Variants in KLF8 observed in about 807,000 individuals in gnomAD.
The protein encoded by KLF8 is Krueppel-like factor 8.
A neutral mutation model predicts 18.2 loss-of-function variants in KLF8; 10 were observed. The ratio of observed to expected loss-of-function variants is 0.55; its 90% confidence interval spans 0.34 to 0.93. The LOEUF (loss-of-function observed/expected upper bound fraction) is 0.93. KLF8 is among the 40% of genes least tolerant of loss of function. The probability of loss-of-function intolerance (pLI) is 0.02; values close to 1 mark genes in which losing one functional copy is unlikely to be tolerated. For synonymous variants in KLF8, 109 were observed against 97.3 expected (o/e 1.12, Z -0.71); for missense variants, 264 against 277.9 (o/e 0.95, Z 0.36).
the KLF8 span, among the ~76,000 whole-genome samples, chrX:56,145,754 G>A: frequency 3.3e-4 from 37 of 111,276 alleles, no homozygotes; most frequent in Admixed American, 3.2e-3. Context: ...AATAAAAAAA[G>A]AACATTGTGC....
chrX:56,268,879 A>G (rs752086066), intron 3 of KLF8: 605 of 926,653 alleles, frequency 6.5e-4, no homozygotes, highest in Non-Finnish European at 7.9e-4. Context: ...GGTGGTAGGT[A>G]TACGTTTCAT....
chrX:56,161,933 T>C, the KLF8 span, among the ~76,000 whole-genome samples: 2 of 111,755 alleles, frequency 1.8e-5, no homozygotes, highest in East Asian at 5.6e-4. Flanking sequence ...GATGGTGACA[T>C]ACAGATGGGG....
In KLF8 at chrX:56,253,764, C is replaced by CTTTTCTTT. The variant is rs1555930255; in HGVS notation, c.81+3464_81+3465insCTTTTTTT. ...GTACATAATGTCTTTTTTTCTTTTT[C>CTTTTCTTT]TTTTTTTTTTTTTTGAGATGTTGTC... On this transcript the variant is annotated intron_variant, in intron 2 of 5. Coordinates refer to ENST00000468660, the MANE Select transcript of KLF8 (RefSeq NM_007250.5). Among the ~76,000 whole-genome samples, 15 of 60,114 alleles carry CTTTTCTTT rather than the reference C, an allele frequency of 2.5e-4. 2 individuals are homozygous for CTTTTCTTT. Among genetic ancestry groups the CTTTTCTTT allele is most frequent in the East Asian group, 1.6e-3 (3 of 1,835 alleles). The allele number at this position is 60,114 out of a possible 115,157, so 52.2% of individuals were successfully genotyped here. A position where few individuals can be genotyped will look rare whatever the true frequency, so the allele number is the denominator to read the frequency against.
chrX:56,227,485 C>T (rs1021189168), upstream of KLF8, among the ~76,000 whole-genome samples: 1 of 110,318 alleles, frequency 9.1e-6, no homozygotes, highest in Admixed American at 9.6e-5. Context: ...GCTGGGACTA[C>T]AGGTGTGCAC....
the KLF8 span, among the ~76,000 whole-genome samples, chrX:55,926,235 A>G: frequency 9.0e-6 from 1 of 111,484 alleles, no homozygotes; most frequent in African/African-American, 3.3e-5. Context: ...GATGCCCCCT[A>G]TTCAAATCCT....
upstream of KLF8, among the ~76,000 whole-genome samples, chrX:56,228,785 C>T (rs2066384272): frequency 8.9e-6 from 1 of 112,052 alleles, no homozygotes; most frequent in Admixed American, 9.5e-5. Context: ...AATATGCTCT[C>T]TGGGGAACTG....
the KLF8 span, among the ~76,000 whole-genome samples, chrX:56,157,611 G>A: frequency 9.0e-6 from 1 of 111,190 alleles, no homozygotes; most frequent in African/African-American, 3.3e-5. Flanking sequence ...ATCTCATTGT[G>A]GTTTTGATTT....
intron 5 of KLF8, 26 bp downstream of exon 5, chrX:56,270,347 A>ACACACACAC: frequency 1.5e-6 from 1 of 661,754 alleles, no homozygotes. Flanking sequence ...TCTCACCCCC[A>ACACACACAC]ACACACACAC....
At chrX:56,259,831 T>TAG (rs2066860248) in intron 2 of KLF8, among the ~76,000 whole-genome samples, 1 of 111,552 alleles carries the variant, frequency 9.0e-6, no homozygotes, top group Non-Finnish European at 1.9e-5. Flanking sequence ...ATTAGTTTTG[T>TAG]CCTAAGCTAT....
the KLF8 span, among the ~76,000 whole-genome samples, chrX:56,052,803 G>T: frequency 1.8e-5 from 2 of 111,887 alleles, no homozygotes; most frequent in Non-Finnish European, 3.8e-5. Flanking sequence ...CACCCAGTTG[G>T]AGCTTCCTGG....
the KLF8 span, among the ~76,000 whole-genome samples, chrX:56,161,809 G>A: frequency 8.9e-6 from 1 of 111,970 alleles, no homozygotes; most frequent in Non-Finnish European, 1.9e-5. Flanking sequence ...TCAGTTGCTG[G>A]TGACGAGCTG....
chrX:56,141,798 TC>T, the KLF8 span, among the ~76,000 whole-genome samples: 1 of 111,837 alleles, frequency 8.9e-6, no homozygotes, highest in Admixed American at 9.5e-5. Context: ...GGTGATGCCT[TC>T]ACTACCACCT....
the KLF8 span, among the ~76,000 whole-genome samples, chrX:56,078,406 G>A: frequency 8.9e-6 from 1 of 111,975 alleles, no homozygotes; most frequent in African/African-American, 3.2e-5. Context: ...TAATCATGTG[G>A]TTTTTGTCTC....
At chrX:56,203,938 T>A in the KLF8 span, among the ~76,000 whole-genome samples, 1 of 111,574 alleles carries the variant, frequency 9.0e-6, no homozygotes, top group Non-Finnish European at 1.9e-5. Context: ...CATTTTGGAA[T>A]AGTTTTTTCT....
At chrX:56,049,551 T>G in the KLF8 span, among the ~76,000 whole-genome samples, 68 of 106,959 alleles carry the variant, frequency 6.4e-4, no homozygotes, top group Middle Eastern at 4.7e-3. Context: ...TTGGCTCTGT[T>G]TATATGCTGG....
At chrX:56,135,557 G>C in the KLF8 span, among the ~76,000 whole-genome samples, 9 of 110,568 alleles carry the variant, frequency 8.1e-5, no homozygotes, top group South Asian at 3.9e-4. Flanking sequence ...GTTGTGGGGT[G>C]GGGGACGGGA....
At chrX:55,962,863 G>T in the KLF8 span, among the ~76,000 whole-genome samples, 1 of 112,561 alleles carries the variant, frequency 8.9e-6, no homozygotes, top group Non-Finnish European at 1.9e-5. Context: ...ATGAGAAATA[G>T]CACACATTGG....
intron 1 of KLF8, among the ~76,000 whole-genome samples, chrX:56,244,133 C>T (rs2066590852): frequency 8.9e-6 from 1 of 112,211 alleles, no homozygotes; most frequent in East Asian, 2.8e-4. Context: ...TGTTTACTAA[C>T]TTGGTGATTT....
chrX:55,976,173 A>T, the KLF8 span, among the ~76,000 whole-genome samples: 1 of 112,286 alleles, frequency 8.9e-6, no homozygotes, highest in Non-Finnish European at 1.9e-5. Context: ...TGATTACCAC[A>T]ATCAAGCTAA....
Sources: allele counts gnomAD v4.1 joint callset (sites outside exome capture counted in the v4.1 genomes callset), GRCh38; gene constraint gnomAD v4.1.1; transcripts MANE v1.5; gene names NCBI Gene and HGNC (gene_info 2026-07-23, HGNC 2026-07-21).